Variants in PRKN observed in about 807,000 individuals in gnomAD.
The protein encoded by PRKN is E3 ubiquitin-protein ligase parkin.
A neutral mutation model predicts 59.5 loss-of-function variants in PRKN; 56 were observed. The observed-to-expected ratio is 0.94, with a 90% CI of 0.76 to 1.18. The LOEUF (loss-of-function observed/expected upper bound fraction) is 1.18. PRKN is among the 50% of genes most tolerant of loss of function. The probability of loss-of-function intolerance (pLI) is 0.00; values close to 1 mark genes in which losing one functional copy is unlikely to be tolerated. For missense variants in PRKN, 657 were observed against 596.4 expected, an observed-to-expected ratio of 1.10 and a Z score of -1.06; for synonymous variants, 250 against 222.1, an observed-to-expected ratio of 1.13 and a Z score of -1.12.
intron 1 of PRKN, among the ~76,000 whole-genome samples, chr6:162,616,589 T>C (rs1782431362): frequency 6.6e-6 from 1 of 152,176 alleles, no homozygotes; most frequent in South Asian, 2.1e-4. Flanking sequence ...ATCCTTCTTG[T>C]ATTATAAAGG....
At chr6:161,585,929 T>A (rs1352917695) in intron 7 of PRKN, among the ~76,000 whole-genome samples, 3 of 152,192 alleles carry the variant, frequency 2.0e-5, no homozygotes, top group African/African-American at 7.2e-5. Flanking sequence ...TTTTTTAAGA[T>A]CATGTTCTCA....
chr6:162,157,947 C>A (rs990255989), intron 4 of PRKN, among the ~76,000 whole-genome samples: 1 of 152,004 alleles, frequency 6.6e-6, no homozygotes. Context: ...TTTGTTGAAA[C>A]TTCTTAATTT....
chr6:162,394,054 T>C (rs1787353643), intron 2 of PRKN, among the ~76,000 whole-genome samples: 1 of 152,232 alleles, frequency 6.6e-6, no homozygotes, highest in Non-Finnish European at 1.5e-5. Context: ...AAAATTTTTT[T>C]TGTTACACTG....
rs11752647 is a variant in PRKN, at chr6:161,444,200, C to A, written c.1084-57323G>T. On this transcript the variant is annotated intron_variant, in intron 9 of 11. Transcript: ENST00000366898. This position sits in a 1 kb window ranked among gnomAD's most constrained non-coding sequence, Gnocchi z 5.6. ...TCCAGGACCCATCCCAGGGCAGCTT[C>A]ATGGGATGGGCCTGGCTGAGTGAGC... 0.24 allele frequency among the ~76,000 whole-genome samples: 36,392 copies of A among 152,144 alleles called. 4,939 individuals are homozygous for A. The highest frequency in any genetic ancestry group is 0.3 in the Non-Finnish European group (20,346 of 67,962).
intron 6 of PRKN, among the ~76,000 whole-genome samples, chr6:161,955,672 G>A (rs1043755809): frequency 5.3e-5 from 8 of 152,088 alleles, no homozygotes; most frequent in Non-Finnish European, 7.4e-5. Context: ...TGAATATGGT[G>A]AAACCCTGTC....
At chr6:162,474,641 G>A (rs1791914151) in intron 1 of PRKN, among the ~76,000 whole-genome samples, 2 of 152,084 alleles carry the variant, frequency 1.3e-5, no homozygotes, top group Admixed American at 1.3e-4. Flanking sequence ...AAACTTTAAG[G>A]GCAAACATAA....
chr6:162,193,423 C>T (rs1406638648), intron 4 of PRKN, among the ~76,000 whole-genome samples: 2 of 152,270 alleles, frequency 1.3e-5, no homozygotes, highest in South Asian at 2.1e-4. Context: ...CAGGTCCCCA[C>T]ATAGACTTTG....
chr6:162,670,596 G>T (rs935494268), intron 1 of PRKN, among the ~76,000 whole-genome samples: 7 of 152,166 alleles, frequency 4.6e-5, no homozygotes, highest in Non-Finnish European at 2.9e-5. Flanking sequence ...CACACAAAGA[G>T]GTCAAGCTCT....
chr6:162,502,977 G>A lies in PRKN; in HGVS notation c.8-59504C>T, dbSNP rs528137858. Among the ~76,000 whole-genome samples the A allele has an allele frequency of 1.3e-3, 192 of 151,666 alleles. 1 individual carries two copies. The highest frequency in any genetic ancestry group is 2.1e-4 in the South Asian group (1 of 4,800). ...AGGATCTAAATATAGAAATAGTTTC[G>A]TATATTATCTTTCTTAATATTAAAA... is the stretch of plus-strand genomic sequence containing the variant. On this transcript the variant is annotated intron_variant, in intron 1 of 11. Coordinates refer to ENST00000366898, the MANE Select transcript of PRKN (RefSeq NM_004562.3).
At chr6:162,114,937 C>T (rs1325225012) in intron 4 of PRKN, among the ~76,000 whole-genome samples, 3 of 151,770 alleles carry the variant, frequency 2.0e-5, no homozygotes, top group Non-Finnish European at 2.9e-5. Flanking sequence ...GTCAGTGTGG[C>T]GATTCCTCAG....
intron 9 of PRKN, among the ~76,000 whole-genome samples, chr6:161,515,529 G>A (rs1425068598): frequency 2.0e-5 from 3 of 152,172 alleles, no homozygotes; most frequent in Admixed American, 2.0e-4. Context: ...TTTAAAGCAG[G>A]ATCATTTAAA....
intron 3 of PRKN, among the ~76,000 whole-genome samples, chr6:162,234,401 A>G (rs1003418321): frequency 1.3e-5 from 2 of 152,192 alleles, no homozygotes; most frequent in African/African-American, 4.8e-5. Context: ...AAGATTTACC[A>G]GGGAAGAAAT....
chr6:162,434,026 TC>T (rs1189639890), intron 2 of PRKN, among the ~76,000 whole-genome samples: 1 of 152,076 alleles, frequency 6.6e-6, no homozygotes, highest in Non-Finnish European at 1.5e-5. Flanking sequence ...ATGCAAAGTA[TC>T]CAGAACAAAT....
intron 6 of PRKN, among the ~76,000 whole-genome samples, chr6:161,944,006 G>GCAGCCTGAGGGATCAGCCTGAGGAAT (rs1779678194): frequency 2.2e-5 from 3 of 137,834 alleles, no homozygotes; most frequent in Non-Finnish European, 3.1e-5. Flanking sequence ...GCCTGAGGAA[G>GCAGCCTGAGGGATCAGCCTGAGGAAT]CAGCCTGAGG....
chr6:162,388,774 C>CTCTA (rs1327781426), intron 2 of PRKN, among the ~76,000 whole-genome samples: 2 of 152,150 alleles, frequency 1.3e-5, no homozygotes, highest in Non-Finnish European at 2.9e-5. Flanking sequence ...GGGGGCCCTT[C>CTCTA]TCTACTCTGC....
chr6:161,757,895 AC>A (rs1433984948), intron 7 of PRKN, among the ~76,000 whole-genome samples: 1 of 95,834 alleles, frequency 1.0e-5, no homozygotes, highest in African/African-American at 4.0e-5. Context: ...ATACACACAC[AC>A]ACACACACAC....
chr6:162,179,055 T>G (rs971917135), intron 4 of PRKN, among the ~76,000 whole-genome samples: 2 of 152,064 alleles, frequency 1.3e-5, no homozygotes, highest in Non-Finnish European at 2.9e-5. Context: ...ATTTTTAAAA[T>G]TTTTTTCGTA....
intron 1 of PRKN, among the ~76,000 whole-genome samples, chr6:162,472,046 G>C (rs1417534530): frequency 6.6e-6 from 1 of 152,160 alleles, no homozygotes; most frequent in African/African-American, 2.4e-5. Context: ...TGCACATCAA[G>C]TCAATGACAC....
At chr6:162,677,360 A>G (rs1408320475) in intron 1 of PRKN, among the ~76,000 whole-genome samples, 1 of 151,826 alleles carries the variant, frequency 6.6e-6, no homozygotes, top group East Asian at 1.9e-4. Flanking sequence ...CACCTTTCGA[A>G]TAAAATTATT....
Sources: allele counts gnomAD v4.1 joint callset (sites outside exome capture counted in the v4.1 genomes callset), GRCh38; gene constraint gnomAD v4.1.1; non-coding constraint Gnocchi (gnomAD v3.1); transcripts MANE v1.5; gene names NCBI Gene and HGNC (gene_info 2026-07-23, HGNC 2026-07-21).